Variants in TUSC3 observed in about 807,000 individuals in gnomAD.
The protein encoded by TUSC3 is dolichyl-diphosphooligosaccharide--protein glycosyltransferase subunit TUSC3.
Under a neutral mutation model 44.8 loss-of-function variants are expected in TUSC3, and 45 were observed. The observed-to-expected ratio is 1.00, with a 90% CI of 0.79 to 1.29. The LOEUF is 1.29. Ranked by LOEUF, TUSC3 falls within the 50% of genes most tolerant of loss-of-function variation. The pLI is 0.00. For synonymous variants in TUSC3, 212 were observed against 152.9 expected (o/e 1.39, Z -2.85); for missense variants, 519 against 437.9 (o/e 1.19, Z -1.65).
intron 1 of TUSC3, among the ~76,000 whole-genome samples, chr8:15,445,399 T>A (rs917085882): frequency 6.6e-6 from 1 of 151,858 alleles, no homozygotes; most frequent in Non-Finnish European, 1.5e-5. Flanking sequence ...ACAATAGTGG[T>A]GGGAAGGTTA....
At chr8:15,423,571 T>C (rs572061804) in intron 1 of TUSC3, among the ~76,000 whole-genome samples, 2 of 152,306 alleles carry the variant, frequency 1.3e-5, no homozygotes, top group Admixed American at 1.3e-4. Flanking sequence ...AGCTGCCAGT[T>C]TGATTTAATT....
chr8:15,792,263 A>G, the TUSC3 span, among the ~76,000 whole-genome samples: 1 of 152,344 alleles, frequency 6.6e-6, no homozygotes, highest in African/African-American at 2.4e-5. Flanking sequence ...TGGCTCTCAT[A>G]TTTCCATGTT....
At chr8:15,756,585 T>C (rs1341046793) in intron 9 of TUSC3, among the ~76,000 whole-genome samples, 1 of 152,220 alleles carries the variant, frequency 6.6e-6, no homozygotes, top group East Asian at 1.9e-4. Context: ...ACCTTTTATA[T>C]ATCTCCAAAG....
intron 2 of TUSC3, among the ~76,000 whole-genome samples, chr8:15,508,316 G>C (rs560821264): frequency 7.2e-5 from 11 of 151,960 alleles, no homozygotes; most frequent in Non-Finnish European, 2.9e-5. Context: ...AAATTTTGTT[G>C]GATGTGATAT....
At chr8:15,786,718 T>G in the TUSC3 span, among the ~76,000 whole-genome samples, 17 of 151,546 alleles carry the variant, frequency 1.1e-4, no homozygotes, top group African/African-American at 3.4e-4. Flanking sequence ...GCCGAGGCGG[T>G]GGATCACGAG....
chr8:15,630,628 C>T (rs895511483), intron 2 of TUSC3, among the ~76,000 whole-genome samples: 4 of 152,156 alleles, frequency 2.6e-5, no homozygotes, highest in Admixed American at 2.0e-4. Flanking sequence ...TAATGCTTTC[C>T]TTAAGTGCAC....
rs1198295852 is a variant in TUSC3 at position 15,650,886 on chromosome 8, A to C, written c.426+72A>C. On this transcript the variant is annotated intron_variant, in intron 3 of 10. Coordinates refer to ENST00000503731, the MANE Select transcript of TUSC3 (RefSeq NM_006765.4). ...TCGATACATTTTTGTTTGTCACATA[A>C]AAATACAATTCATTCATCGTCTGAA... The C allele has an allele frequency of 2.7e-6, 4 of 1,482,482 alleles. No homozygotes were observed. In the African/African-American group the frequency reaches 5.5e-5, roughly 21 times the overall value. 91.8% of individuals were successfully genotyped at this position (1,482,482 alleles called of 1,614,324 possible).
intron 3 of TUSC3, among the ~76,000 whole-genome samples, chr8:15,659,299 G>A (rs944215552): frequency 8.6e-5 from 13 of 152,030 alleles, no homozygotes; most frequent in Non-Finnish European, 1.6e-4. Context: ...TGTTAAATGT[G>A]AAGATTCAGA....
intron 6 of TUSC3, among the ~76,000 whole-genome samples, chr8:15,684,495 C>T (rs767796203): frequency 1.3e-5 from 2 of 152,152 alleles, no homozygotes; most frequent in Non-Finnish European, 2.9e-5. Context: ...CAGGAGCAGG[C>T]CCAACCGGCT....
chr8:15,681,065 C>T (rs534652570), intron 6 of TUSC3, among the ~76,000 whole-genome samples: 2 of 149,430 alleles, frequency 1.3e-5, no homozygotes, highest in South Asian at 2.1e-4. Flanking sequence ...GTGTCTTTGC[C>T]AGGTTTTGAT....
intron 1 of TUSC3, among the ~76,000 whole-genome samples, chr8:15,429,570 A>AT (rs149193242): frequency 6.0e-5 from 9 of 150,052 alleles, no homozygotes; most frequent in South Asian, 2.1e-4. Flanking sequence ...CAGTATGGCC[A>AT]TTTTTTTTTC....
chr8:15,525,433 C>G (rs1286985729), intron 2 of TUSC3, among the ~76,000 whole-genome samples: 1 of 152,140 alleles, frequency 6.6e-6, no homozygotes, highest in Non-Finnish European at 1.5e-5. Flanking sequence ...AAAAATGTTA[C>G]TTATGTTAAG....
intron 1 of TUSC3, among the ~76,000 whole-genome samples, chr8:15,583,974 G>C: frequency 6.6e-6 from 1 of 152,208 alleles, no homozygotes; most frequent in East Asian, 1.9e-4. Flanking sequence ...ATGATAGATA[G>C]TGTCAGTTGT....
At chr8:15,731,171 T>C (rs1383090410) in intron 7 of TUSC3, among the ~76,000 whole-genome samples, 1 of 152,100 alleles carries the variant, frequency 6.6e-6, no homozygotes, top group Non-Finnish European at 1.5e-5. Context: ...TTTTGGAACA[T>C]ATCAGAGTGA....
intron 1 of TUSC3, among the ~76,000 whole-genome samples, chr8:15,596,481 C>G (rs895671649): frequency 6.6e-6 from 1 of 152,212 alleles, no homozygotes; most frequent in South Asian, 2.1e-4. Flanking sequence ...TTCCGCAAGA[C>G]CAACTGCAGG....
At chr8:15,635,377 T>G (rs143442932) in intron 2 of TUSC3, among the ~76,000 whole-genome samples, 1 of 152,148 alleles carries the variant, frequency 6.6e-6, no homozygotes, top group Non-Finnish European at 1.5e-5. Flanking sequence ...GTGGCTCAAA[T>G]GCATGTCACA....
At chr8:15,654,930 T>C (rs886656758) in intron 3 of TUSC3, among the ~76,000 whole-genome samples, 4 of 152,244 alleles carry the variant, frequency 2.6e-5, no homozygotes, top group Admixed American at 6.5e-5. Context: ...TCTTCATTGC[T>C]GTGTGACCTT....
rs376172471 is a variant in TUSC3, at chr8:15,592,758, AGTACT to A, written c.139-30319_139-30315del. Among the ~76,000 whole-genome samples, 24 of 152,328 alleles carry A rather than the reference AGTACT, an allele frequency of 1.6e-4. No individual in the cohort carries two copies. In the East Asian group the frequency reaches 3.7e-3, roughly 23 times the overall value. ...ATAGCAATGCAAAATGGACCAAAAC[AGTACT>A]GTTCTGAGTTCTTGTAAATGTAGTA... On this transcript the variant is annotated intron_variant, in intron 1 of 10. Coordinates refer to ENST00000503731, the MANE Select transcript of TUSC3 (RefSeq NM_006765.4).
rs984651284 is a variant in TUSC3, at chr8:15,522,856, C to G, written n.189+39373C>G. On this transcript the variant is annotated intron_variant and non_coding_transcript_variant, in intron 2 of 5. Transcript: ENST00000503191. ...TGATGGTATAAATTCTCAAGCTTGT[C>G]TACACAAATGTGCTATGTCAGTCCT... Among the ~76,000 whole-genome samples, 7 of 152,162 alleles carry G rather than the reference C, an allele frequency of 4.6e-5. No homozygotes were observed. The East Asian group carries it at 1.3e-3, about 29-fold the overall frequency.
Sources: gnomAD v4.1 joint callset for allele counts (sites outside exome capture counted in the v4.1 genomes callset) on GRCh38, gnomAD v4.1.1 for gene constraint, MANE v1.5 for transcripts, NCBI Gene and HGNC (gene_info 2026-07-23, HGNC 2026-07-21) for gene names.